The following UAP1 variants were observed in gnomAD, a reference collection of about 807,000 sequenced individuals.
The protein encoded by UAP1 is UDP-N-acetylhexosamine pyrophosphorylase.
Under a neutral mutation model 58.5 loss-of-function variants are expected in UAP1, and 25 were observed. The observed-to-expected ratio is 0.43, with a 90% CI of 0.31 to 0.60. The LOEUF is 0.60. Among genes scored for constraint, UAP1 ranks in the 20% least tolerant of loss-of-function variants. The pLI is 0.11. For synonymous variants in UAP1, 208 were observed against 213.0 expected (o/e 0.98, Z 0.21); for missense variants, 575 against 630.0 (o/e 0.91, Z 0.93).
chr1:162,576,319 CAATT>C (rs1408010233), intron 2 of UAP1, among the ~76,000 whole-genome samples: 6 of 152,054 alleles, frequency 3.9e-5, no homozygotes, highest in South Asian at 4.2e-4. Flanking sequence ...CTTGCCACAT[CAATT>C]AGTCATCAAA....
At chr1:162,597,633 C>A in intron 9 of UAP1, 159 bp from the exon 10 acceptor site, 1 of 566,168 alleles carries the variant, frequency 1.8e-6, no homozygotes, top group Non-Finnish European at 3.1e-6. Context: ...TAACTTAATC[C>A]TCAGGGAATT....
chr1:162,581,601 A>C (rs963366613), intron 5 of UAP1, 142 bp downstream of exon 5: 24 of 796,444 alleles, frequency 3.0e-5, no homozygotes, highest in Non-Finnish European at 3.4e-5. Context: ...ACGGTCCCAC[A>C]CCCACTTTTT....
At chr1:162,581,179 A>G in intron 4 of UAP1, 108 bp from the exon 5 acceptor site, 2 of 1,278,106 alleles carry the variant, frequency 1.6e-6, no homozygotes, top group Non-Finnish European at 2.1e-6. Context: ...TTGCCTTTGT[A>G]AAGCGAATTT....
chr1:162,584,882 A>G (rs957627916), intron 5 of UAP1, among the ~76,000 whole-genome samples: 1 of 152,236 alleles, frequency 6.6e-6, no homozygotes, highest in Non-Finnish European at 1.5e-5. Flanking sequence ...TTGCAAAAGT[A>G]CAAAGTTAAA....
intron 2 of UAP1, among the ~76,000 whole-genome samples, chr1:162,576,005 G>A (rs1039868): frequency 0.72 from 109,286 of 151,550 alleles, 39,770 homozygotes; most frequent in Admixed American, 0.81. Flanking sequence ...TACTCACGTA[G>A]CTACCATCCC....
intron 2 of UAP1, among the ~76,000 whole-genome samples, chr1:162,571,228 A>C (rs1278159035): frequency 1.3e-5 from 2 of 151,794 alleles, no homozygotes; most frequent in Non-Finnish European, 2.9e-5. Context: ...TCCCAGGTTC[A>C]AGCCATTCTC....
chr1:162,592,584 ATT>A, intron 8 of UAP1, 146 bp from the exon 9 acceptor site: 1 of 632,712 alleles, frequency 1.6e-6, no homozygotes. Flanking sequence ...TTTTATTTTT[ATT>A]TTTTTACCCC....
chr1:162,577,920 G>GT (rs542893343), intron 3 of UAP1, among the ~76,000 whole-genome samples: 556 of 150,248 alleles, frequency 3.7e-3, no homozygotes, highest in African/African-American at 0.012. Context: ...ATTTTTTTTT[G>GT]TTTTTTTTAT....
At chr1:162,597,749 A>G (rs1655692511) in intron 9 of UAP1, 43 bp from the exon 10 acceptor site, 1 of 1,555,602 alleles carries the variant, frequency 6.4e-7, no homozygotes, top group African/African-American at 1.4e-5. Flanking sequence ...GGCAAGTAAC[A>G]TGGGAAGCAA....
chr1:162,592,837 T>A, intron 9 of UAP1, 55 bp downstream of exon 9: 16 of 1,457,052 alleles, frequency 1.1e-5, no homozygotes, highest in Non-Finnish European at 1.5e-5. Flanking sequence ...CTTCCCTCCA[T>A]ACTAACTGGC....
intron 5 of UAP1, among the ~76,000 whole-genome samples, chr1:162,585,844 A>T (rs183752586): frequency 6.6e-6 from 1 of 152,134 alleles, no homozygotes; most frequent in East Asian, 1.9e-4. Flanking sequence ...CTAGTAAGAT[A>T]CCCACTGTAG....
intron 9 of UAP1, among the ~76,000 whole-genome samples, chr1:162,594,704 A>T (rs548676199): frequency 6.6e-6 from 1 of 152,348 alleles, no homozygotes; most frequent in Admixed American, 6.5e-5. Flanking sequence ...ATAGATTGTT[A>T]ATTATATAAC....
intron 6 of UAP1, 49 bp from the exon 7 acceptor site, chr1:162,588,644 C>A: frequency 6.4e-7 from 1 of 1,566,198 alleles, no homozygotes; most frequent in Non-Finnish European, 8.6e-7. Flanking sequence ...GATTTTCTGG[C>A]ATTTTAAATC....
chr1:162,565,133 A>T (rs1653408383), intron 1 of UAP1, among the ~76,000 whole-genome samples: 1 of 152,076 alleles, frequency 6.6e-6, no homozygotes, highest in African/African-American at 2.4e-5. Flanking sequence ...GGTGTGAGCT[A>T]CCATGCCTGG....
chr1:162,591,927 G>A (rs553203574), intron 8 of UAP1, among the ~76,000 whole-genome samples: 20 of 152,300 alleles, frequency 1.3e-4, no homozygotes, highest in Admixed American at 1.2e-3. Flanking sequence ...TGGGATTACA[G>A]GTGTGAGCTA....
chr1:162,579,548 G>A (rs1158216094), exon 4 of UAP1: 2 of 1,607,600 alleles, frequency 1.2e-6, no homozygotes, highest in Non-Finnish European at 1.7e-6. Flanking sequence ...TCCCCGCCAT[G>A]AGTTTTGATG....
intron 7 of UAP1, 36 bp downstream of exon 7, chr1:162,588,869 T>G: frequency 6.4e-7 from 1 of 1,566,766 alleles, no homozygotes; most frequent in Non-Finnish European, 8.6e-7. Flanking sequence ...GTTAAATAAA[T>G]GTCTTAAAAT....
At chr1:162,591,773 G>A (rs1011970198) in intron 8 of UAP1, among the ~76,000 whole-genome samples, 2 of 149,612 alleles carry the variant, frequency 1.3e-5, no homozygotes, top group Admixed American at 6.7e-5. Context: ...GGCGTGAGCC[G>A]CCATGTCTGG....
At chr1:162,596,219 C>T (rs1009788967) in intron 9 of UAP1, among the ~76,000 whole-genome samples, 1 of 150,012 alleles carries the variant, frequency 6.7e-6, no homozygotes, top group Admixed American at 6.7e-5. Context: ...TCTGTCACCC[C>T]GGCTAGAGTG....
Sources: gnomAD v4.1 joint callset for allele counts (sites outside exome capture counted in the v4.1 genomes callset) on GRCh38, gnomAD v4.1.1 for gene constraint, MANE v1.5 for transcripts, NCBI Gene and HGNC (gene_info 2026-07-23, HGNC 2026-07-21) for gene names.